Variants in ALLC observed in about 807,000 individuals in gnomAD.
ALLC encodes the protein allantoicase.
Under a neutral mutation model 45.0 loss-of-function variants are expected in ALLC, and 40 were observed. That is an observed-to-expected ratio of 0.89 (90% CI 0.69 to 1.16). The LOEUF is 1.16. Among genes scored for constraint, ALLC ranks in the 50% most tolerant of loss-of-function variants. ALLC has a pLI of 0.00. For synonymous variants in ALLC, 176 were observed against 178.1 expected, an observed-to-expected ratio of 0.99 and a Z score of 0.09; for missense variants, 488 against 493.1, an observed-to-expected ratio of 0.99 and a Z score of 0.10.
At chr2:3,673,497 C>A (rs1291934921) in intron 2 of ALLC, among the ~76,000 whole-genome samples, 1 of 152,242 alleles carries the variant, frequency 6.6e-6, no homozygotes, top group Non-Finnish European at 1.5e-5. Flanking sequence ...GGCAGGGTGC[C>A]CTCCAGGCTG....
chr2:3,699,276 T>C (rs1667762352), intron 10 of ALLC, among the ~76,000 whole-genome samples: 1 of 152,242 alleles, frequency 6.6e-6, no homozygotes, highest in Admixed American at 6.5e-5. Context: ...GTTCCTGCGT[T>C]AGTTTGCCAA....
At position 3,679,882 on chromosome 2, in the gene ALLC, T is replaced by C. The variant is rs776745123; in HGVS notation, c.186T>C (p.Cys62=). Residue 62 remains cysteine (C), a synonymous_variant, in exon 5 of 12, where the codon TGT becomes TGC. Transcript: ENST00000252505. ...RRKRIPGHDW[C]VLRLGIQGVI... ...TGTGTTGCGCAGGTCACGACTGGTG[T>C]GTCCTCAGGCTGGGGATCCAAGGAG... is the stretch of plus-strand genomic sequence containing the variant. 1.2e-5 allele frequency: 19 copies of C among 1,613,864 alleles called. No homozygotes were observed. The East Asian group carries it at 4.0e-4, about 34-fold the overall frequency.
At position 3,695,826 on chromosome 2, in the gene ALLC, T is replaced by C. The variant is rs552213915; in HGVS notation, c.621T>C (p.Cys207=). The C allele has an allele frequency of 2.9e-5, 46 of 1,613,784 alleles. No homozygotes were observed. The highest frequency in any genetic ancestry group is 3.9e-5 in the Non-Finnish European group (46 of 1,179,818). The change falls in exon 8 of 12, where the codon TGT becomes TGC. Residue 207 remains cysteine, a synonymous_variant. Coordinates refer to ENST00000252505, the MANE Select transcript of ALLC (RefSeq NM_018436.4). ...DLVAIAFGGV[C]VGFSNAKFGH... ...TGGCCATCGCTTTTGGGGGTGTCTG[T>C]GTAGGATTTAGTAATGCTAAGTTTG...
At chr2:3,668,637 G>T (rs1666788829) in intron 1 of ALLC, among the ~76,000 whole-genome samples, 1 of 136,552 alleles carries the variant, frequency 7.3e-6, no homozygotes. Context: ...GTGCAGTGGT[G>T]CAATCTCGGC....
intron 1 of ALLC, among the ~76,000 whole-genome samples, chr2:3,663,242 C>A (rs1460029996): frequency 6.6e-6 from 1 of 152,072 alleles, no homozygotes; most frequent in African/African-American, 2.4e-5. Context: ...TACTATGCAG[C>A]CATAAAAGAT....
chr2:3,678,904 G>A (rs1667100426), intron 4 of ALLC, among the ~76,000 whole-genome samples: 1 of 152,176 alleles, frequency 6.6e-6, no homozygotes, highest in Non-Finnish European at 1.5e-5. Flanking sequence ...TCTGGAGTAG[G>A]TCTCTTTATC....
chr2:3,655,861 C>T (rs1253200064), upstream of ALLC, among the ~76,000 whole-genome samples: 1 of 151,630 alleles, frequency 6.6e-6, no homozygotes, highest in Non-Finnish European at 1.5e-5. Flanking sequence ...TCGAGCATTG[C>T]CCCTGAGCTC....
At chr2:3,665,582 C>T (rs554144645) in intron 1 of ALLC, among the ~76,000 whole-genome samples, 3 of 152,300 alleles carry the variant, frequency 2.0e-5, no homozygotes, top group East Asian at 3.9e-4. Flanking sequence ...TCTCTTCCTG[C>T]GTTAGTTTGC....
At chr2:3,700,824 G>A (rs1667808036) in intron 10 of ALLC, among the ~76,000 whole-genome samples, 1 of 152,206 alleles carries the variant, frequency 6.6e-6, no homozygotes, top group Non-Finnish European at 1.5e-5. Flanking sequence ...GGGCATGTGA[G>A]CCACAGTCTC....
At chr2:3,662,877 G>T (rs866567420) in intron 1 of ALLC, among the ~76,000 whole-genome samples, 30 of 152,344 alleles carry the variant, frequency 2.0e-4, no homozygotes, top group Middle Eastern at 6.8e-3. Flanking sequence ...AGTGGCGAGG[G>T]GATATAGACC....
rs552261576 is a variant in ALLC at position 3,682,640 on chromosome 2, C to T, written c.379-302C>T. On this transcript the variant is annotated intron_variant, in intron 6 of 11. Coordinates refer to ENST00000252505, the MANE Select transcript of ALLC (RefSeq NM_018436.4). ...TCCCAGGTTCACGCCATTCTCCTGCCTCAGCCTCCCGAGTAGCTGGGACTA... is the reference window on the plus strand; with the variant it reads ...TCCCAGGTTCACGCCATTCTCCTGCTTCAGCCTCCCGAGTAGCTGGGACTA... Among the ~76,000 whole-genome samples, 603 of 152,286 alleles carry T rather than the reference C, an allele frequency of 4.0e-3. 16 individuals carry two copies. Among genetic ancestry groups the T allele is most frequent in the Admixed American group, 0.036 (545 of 15,302 alleles).
intron 7 of ALLC, chr2:3,695,270 G>A (rs1471156199): frequency 5.3e-6 from 1 of 189,482 alleles, no homozygotes; most frequent in Non-Finnish European, 1.1e-5. Context: ...ACACAGGTAA[G>A]TGGTCTGGCC....
At chr2:3,651,818 A>C in the ALLC span, among the ~76,000 whole-genome samples, 1 of 151,968 alleles carries the variant, frequency 6.6e-6, no homozygotes, top group Admixed American at 6.6e-5. Context: ...GCGGGCAGCT[A>C]TTCATCCGGA....
At chr2:3,652,163 G>T in the ALLC span, among the ~76,000 whole-genome samples, 3 of 152,368 alleles carry the variant, frequency 2.0e-5, no homozygotes, top group South Asian at 6.2e-4. Context: ...CCCATGGATT[G>T]TGCCGCCCAC....
intron 1 of ALLC, among the ~76,000 whole-genome samples, chr2:3,669,738 G>T (rs1193840004): frequency 1.3e-5 from 2 of 152,200 alleles, no homozygotes; most frequent in African/African-American, 4.8e-5. Flanking sequence ...CGAGGAAGGG[G>T]TCTGAAGGTG....
chr2:3,651,409 G>A, the ALLC span, among the ~76,000 whole-genome samples: 1 of 49,536 alleles, frequency 2.0e-5, no homozygotes, highest in Admixed American at 2.9e-4. Context: ...GTGTGTGTGT[G>A]TGTGTGTGTG....
intron 1 of ALLC, among the ~76,000 whole-genome samples, chr2:3,670,484 A>G (rs1031418653): frequency 2.6e-5 from 4 of 151,882 alleles, no homozygotes; most frequent in Non-Finnish European, 2.9e-5. Context: ...CAACCTCAAC[A>G]TGAGGGTGCT....
Position 3,680,494 on chromosome 2 carries a change from G to A in ALLC, c.298+500G>A, listed in dbSNP as rs1023175754. On this transcript the variant is annotated intron_variant, in intron 5 of 11. Coordinates refer to ENST00000252505, the MANE Select transcript of ALLC (RefSeq NM_018436.4). The surrounding 1 kb of genome is among the most constrained non-coding windows in gnomAD (Gnocchi z 4.0). Reference sequence around the variant, plus strand: ...TATGAATCCTGCAGGCTCTATAAATGAGACGTATTCTGTGAAAGGGCCATA... The same window carrying A: ...TATGAATCCTGCAGGCTCTATAAATAAGACGTATTCTGTGAAAGGGCCATA... 2.0e-5 allele frequency among the ~76,000 whole-genome samples: 3 copies of A among 152,246 alleles called. No homozygotes were observed. The highest frequency in any genetic ancestry group is 2.1e-4 in the South Asian group (1 of 4,824).
chr2:3,651,197 T>C, the ALLC span, among the ~76,000 whole-genome samples: 2 of 150,814 alleles, frequency 1.3e-5, no homozygotes, highest in Non-Finnish European at 2.9e-5. Context: ...TGCCATCTAG[T>C]GGGAAAAGAG....
Sources: allele counts gnomAD v4.1 joint callset (sites outside exome capture counted in the v4.1 genomes callset), GRCh38; gene constraint gnomAD v4.1.1; non-coding constraint Gnocchi (gnomAD v3.1); transcripts MANE v1.5; gene names NCBI Gene and HGNC (gene_info 2026-07-23, HGNC 2026-07-21).